TMEM108: variants seen among roughly 807,000 people sequenced by gnomAD.
TMEM108 encodes the protein cancer/testis antigen 124.
A neutral mutation model predicts 35.1 loss-of-function variants in TMEM108; 12 were observed. The ratio of observed to expected loss-of-function variants is 0.34; its 90% CI spans 0.22 to 0.55. TMEM108 has a LOEUF of 0.55. Ranked by LOEUF, TMEM108 falls within the 20% of genes least tolerant of loss-of-function variation. TMEM108 has a pLI of 0.89. For missense variants in TMEM108, 680 were observed against 753.3 expected (o/e 0.90, Z 1.14); for synonymous variants, 287 against 308.6 (o/e 0.93, Z 0.73).
intron 2 of TMEM108, among the ~76,000 whole-genome samples, chr3:133,202,594 G>A (rs1945686546): frequency 6.6e-6 from 1 of 152,172 alleles, no homozygotes; most frequent in African/African-American, 2.4e-5. Flanking sequence ...TCAAAGATCA[G>A]ATGGTTGTAG....
intron 2 of TMEM108, among the ~76,000 whole-genome samples, chr3:133,102,788 A>G (rs1334707400): frequency 1.3e-5 from 2 of 152,210 alleles, no homozygotes; most frequent in African/African-American, 4.8e-5. Context: ...CTGTTATTCA[A>G]TTGATGGTAG....
intron 2 of TMEM108, among the ~76,000 whole-genome samples, chr3:133,225,923 C>T (rs1026755566): frequency 2.0e-5 from 3 of 152,172 alleles, no homozygotes; most frequent in African/African-American, 4.8e-5. Flanking sequence ...CCAAGACCTG[C>T]GACACAGTCT....
chr3:133,380,827 CCAGGGGATTCCT>C lies in TMEM108; in HGVS notation c.1122_1133del (p.Ile375_Gly378del). On this transcript the variant is annotated inframe_deletion, in exon 4 of 6. Coordinates refer to ENST00000321871, the MANE Select transcript of TMEM108 (RefSeq NM_023943.4). This position sits in a 1 kb window ranked among gnomAD's most constrained non-coding sequence, Gnocchi z 5.3. ...TCGATACCAGTGTCTCAGCCCCTTC[CCAGGGGATTCCT>C]CAGGGAGCATCCACAACCCCACAAG... 6.2e-7 allele frequency: 1 copy of C among 1,614,162 alleles called. No individual in the cohort carries two copies. Among genetic ancestry groups the C allele is most frequent in the Non-Finnish European group, 8.5e-7 (1 of 1,180,028 alleles).
intron 2 of TMEM108, among the ~76,000 whole-genome samples, chr3:133,164,463 A>T (rs1559852934): frequency 6.6e-6 from 1 of 152,200 alleles, no homozygotes; most frequent in Non-Finnish European, 1.5e-5. Flanking sequence ...AAATCTTTGT[A>T]TTGGAGCTGG....
At chr3:133,054,746 C>T (rs1943446161) in intron 2 of TMEM108, among the ~76,000 whole-genome samples, 1 of 152,200 alleles carries the variant, frequency 6.6e-6, no homozygotes, top group African/African-American at 2.4e-5. Context: ...AATGATGGTC[C>T]TGGCTCTATT....
At chr3:133,123,384 C>T (rs182828057) in intron 2 of TMEM108, among the ~76,000 whole-genome samples, 13 of 152,230 alleles carry the variant, frequency 8.5e-5, no homozygotes, top group Non-Finnish European at 1.9e-4. Flanking sequence ...AGAGGGTGTC[C>T]GTTTTTAGCA....
At chr3:133,244,705 C>T (rs1336519541) in intron 3 of TMEM108, among the ~76,000 whole-genome samples, 1 of 152,226 alleles carries the variant, frequency 6.6e-6, no homozygotes, top group Non-Finnish European at 1.5e-5. Flanking sequence ...GCCTGACAAT[C>T]CTCCAAATTT....
chr3:133,072,947 G>A (rs949460372), intron 2 of TMEM108, among the ~76,000 whole-genome samples: 8 of 152,004 alleles, frequency 5.3e-5, no homozygotes, highest in Admixed American at 5.2e-4. Context: ...CTTAGCAAAT[G>A]TTTCCAAGGT....
intron 2 of TMEM108, among the ~76,000 whole-genome samples, chr3:133,097,852 A>G (rs2107712489): frequency 6.6e-6 from 1 of 152,348 alleles, no homozygotes; most frequent in Non-Finnish European, 1.5e-5. Flanking sequence ...TTACATGAAG[A>G]ACTAACAGTA....
intron 3 of TMEM108, among the ~76,000 whole-genome samples, chr3:133,355,777 A>G (rs2072146056): frequency 6.6e-6 from 1 of 152,232 alleles, no homozygotes; most frequent in Non-Finnish European, 1.5e-5. Flanking sequence ...GCAGGGATGT[A>G]TGATAAACTG....
intron 2 of TMEM108, among the ~76,000 whole-genome samples, chr3:133,217,086 A>G (rs1014543914): frequency 1.3e-5 from 2 of 151,970 alleles, no homozygotes; most frequent in Non-Finnish European, 2.9e-5. Context: ...ATCTTTGCCA[A>G]AATTTATCTT....
chr3:133,117,257 C>T (rs1944298929), intron 2 of TMEM108, among the ~76,000 whole-genome samples: 1 of 152,152 alleles, frequency 6.6e-6, no homozygotes, highest in South Asian at 2.1e-4. Context: ...AGGAAACCAT[C>T]CCATCTGAGT....
intron 3 of TMEM108, among the ~76,000 whole-genome samples, chr3:133,270,034 T>C (rs1268878717): frequency 6.6e-6 from 1 of 152,250 alleles, no homozygotes; most frequent in African/African-American, 2.4e-5. Flanking sequence ...CTCTTTTTCC[T>C]ATTTTTGATT....
chr3:133,358,296 C>A (rs2072238032), intron 3 of TMEM108, among the ~76,000 whole-genome samples: 1 of 152,020 alleles, frequency 6.6e-6, no homozygotes, highest in African/African-American at 2.4e-5. Context: ...CTTAGCCTCC[C>A]AAGTAGCTGG....
At chr3:133,386,445 A>G in intron 4 of TMEM108, 1 of 1,536,140 alleles carries the variant, frequency 6.5e-7, no homozygotes, top group Non-Finnish European at 8.7e-7. Context: ...ACCTGAAAGC[A>G]TGCCCTTCCA....
chr3:133,149,899 A>G (rs904719071), intron 2 of TMEM108, among the ~76,000 whole-genome samples: 3 of 152,164 alleles, frequency 2.0e-5, no homozygotes, highest in South Asian at 2.1e-4. Context: ...CTCAGTGGAC[A>G]CTTAGGTTGT....
intron 3 of TMEM108, among the ~76,000 whole-genome samples, chr3:133,300,797 G>A (rs1309241246): frequency 6.6e-6 from 1 of 151,950 alleles, no homozygotes; most frequent in Non-Finnish European, 1.5e-5. Flanking sequence ...TGGGGGGTGG[G>A]AGGTATATGA....
chr3:133,128,090 G>C (rs997423996), intron 2 of TMEM108, among the ~76,000 whole-genome samples: 9 of 152,226 alleles, frequency 5.9e-5, no homozygotes, highest in African/African-American at 2.2e-4. Flanking sequence ...AGCCTTGCCA[G>C]AAGTTTTGCC....
rs919670661 is a variant in TMEM108, at chr3:133,396,581, A to C, written c.*595A>C. ...CAAGTTGTGGATGGCAGGCAGGAGCATGGAGCCCTCAGGAATCCATGGAGG... is the reference window on the plus strand; with the variant it reads ...CAAGTTGTGGATGGCAGGCAGGAGCCTGGAGCCCTCAGGAATCCATGGAGG... On this transcript the variant is annotated 3_prime_UTR_variant, in exon 6 of 6. Coordinates refer to ENST00000321871, the MANE Select transcript of TMEM108 (RefSeq NM_023943.4). 6.6e-6 allele frequency: 1 copy of C among 152,220 alleles called. No individual in the cohort carries two copies. Among genetic ancestry groups the C allele is most frequent in the Non-Finnish European group, 1.5e-5 (1 of 68,090 alleles). 9.4% of individuals were successfully genotyped at this position (152,220 alleles called of 1,614,324 possible).
Sources: gnomAD v4.1 joint callset for allele counts (sites outside exome capture counted in the v4.1 genomes callset) on GRCh38, gnomAD v4.1.1 for gene constraint, Gnocchi (gnomAD v3.1) non-coding constraint, MANE v1.5 for transcripts, NCBI Gene and HGNC (gene_info 2026-07-23, HGNC 2026-07-21) for gene names.